The following OAS2 variants were observed in gnomAD, a reference collection of about 807,000 sequenced individuals.
The protein encoded by OAS2 is 2'-5'-oligoadenylate synthase 2.
Under a neutral mutation model 71.3 loss-of-function variants are expected in OAS2, and 67 were observed. The observed-to-expected ratio is 0.94, with a 90% CI of 0.77 to 1.15. OAS2 has a LOEUF of 1.15. Ranked by LOEUF, OAS2 falls within the 50% of genes most tolerant of loss-of-function variation. OAS2 has a pLI of 0.00. For synonymous variants in OAS2, 327 were observed against 321.8 expected, an observed-to-expected ratio of 1.02 and a Z score of -0.17; for missense variants, 789 against 822.5, an observed-to-expected ratio of 0.96 and a Z score of 0.50.
chr12:112,978,934 G>A lies in OAS2; in HGVS notation c.177+149G>A, dbSNP rs749953538. The A allele has an allele frequency of 8.1e-5, 57 of 704,938 alleles. No individual in the cohort carries two copies. The highest frequency in any genetic ancestry group is 1.9e-4 in the Admixed American group (6 of 31,730). 43.7% of individuals were successfully genotyped at this position (704,938 alleles called of 1,614,324 possible). ...AGGAGTCTCAGGCTCTGGAGCAGGC[G>A]CTTGCTCCAGAGCTGTGTGACACTG... On this transcript the variant is annotated intron_variant, in intron 1 of 9. Coordinates refer to ENST00000392583, the MANE Select transcript of OAS2 (RefSeq NM_002535.3). The surrounding 1 kb of genome is among the most constrained non-coding windows in gnomAD (Gnocchi z 4.2).
intron 1 of OAS2, among the ~76,000 whole-genome samples, chr12:112,985,732 T>C (rs1475435953): frequency 6.6e-6 from 1 of 152,264 alleles, no homozygotes; most frequent in African/African-American, 2.4e-5. Flanking sequence ...CTTTTTCATG[T>C]TTCTGTGTCC....
intron 2 of OAS2, chr12:112,988,572 TAGGCC>T: frequency 8.2e-6 from 8 of 977,640 alleles, no homozygotes; most frequent in Non-Finnish European, 9.7e-6. Flanking sequence ...AGAGAAATTT[TAGGCC>T]AAACTTAAAA....
rs769674965 is a variant in OAS2, at chr12:113,010,360, G to A, written c.*1105G>A. On this transcript the variant is annotated 3_prime_UTR_variant, in exon 10 of 10. Transcript: ENST00000392583. ...TAGGAGACATTGCTCTCCCACGTAT[G>A]TTTTTCTTTTTAGACAATGCAGACA... 101 of 1,608,634 alleles carry A rather than the reference G, an allele frequency of 6.3e-5. 1 individual carries two copies. The highest frequency in any genetic ancestry group is 5.0e-4 in the Middle Eastern group (3 of 6,034).
intron 2 of OAS2, chr12:112,987,743 C>G: frequency 9.9e-7 from 1 of 1,007,628 alleles, no homozygotes; most frequent in Non-Finnish European, 1.2e-6. Flanking sequence ...ATGAGGCAGA[C>G]ATCTGGGAAA....
intron 7 of OAS2, among the ~76,000 whole-genome samples, chr12:113,006,085 G>A (rs1226404058): frequency 6.6e-6 from 1 of 152,140 alleles, no homozygotes; most frequent in African/African-American, 2.4e-5. Context: ...AGCTTGACAT[G>A]TGGCTACAGC....
Position 113,007,689 on chromosome 12 carries a change from T to C in OAS2, c.1657-16T>C. The C allele has an allele frequency of 6.2e-7, 1 of 1,608,416 alleles. No homozygotes were observed. Among genetic ancestry groups the C allele is most frequent in the African/African-American group, 1.3e-5 (1 of 74,912 alleles). ...CTAGGCTAACCAGTTCGTCTGATGT[T>C]CCCACTCTTACCTAGTGTGAAAGGA... On this transcript the variant is annotated splice_polypyrimidine_tract_variant and intron_variant, in intron 8 of 9. Transcript: ENST00000392583.
In OAS2 at chr12:113,010,937, A is replaced by C; in HGVS notation, c.*1682A>C. The C allele has an allele frequency of 6.5e-6, 1 of 153,074 alleles. No homozygotes were observed. Among genetic ancestry groups the C allele is most frequent in the Non-Finnish European group, 1.5e-5 (1 of 68,764 alleles). 9.5% of individuals were successfully genotyped at this position (153,074 alleles called of 1,614,324 possible). On this transcript the variant is annotated 3_prime_UTR_variant, in exon 10 of 10. Transcript: ENST00000392583. ...GCCCCTGCTGACACAGACATCCTCT[A>C]TGCCAGCAGCCAGCCAACCCTTTCA...
At chr12:112,994,252 G>A (rs1461147369) in intron 2 of OAS2, among the ~76,000 whole-genome samples, 1 of 152,100 alleles carries the variant, frequency 6.6e-6, no homozygotes. Context: ...GTCTGTCAGG[G>A]AGAAGGATTT....
chr12:113,002,020 G>A (rs1219920939), intron 5 of OAS2, among the ~76,000 whole-genome samples: 1 of 152,066 alleles, frequency 6.6e-6, no homozygotes, highest in Non-Finnish European at 1.5e-5. Flanking sequence ...GGGTGACAGA[G>A]CGAGACACTA....
intron 2 of OAS2, among the ~76,000 whole-genome samples, chr12:112,991,212 T>G (rs570149024): frequency 7.9e-5 from 12 of 152,248 alleles, no homozygotes; most frequent in Non-Finnish European, 1.5e-4. Context: ...TATTTTTGGA[T>G]AACTCCAACT....
At chr12:112,981,115 T>C (rs142621060) in intron 1 of OAS2, among the ~76,000 whole-genome samples, 1 of 152,330 alleles carries the variant, frequency 6.6e-6, no homozygotes, top group African/African-American at 2.4e-5. Context: ...ATTCTGGATA[T>C]TAAACCCTTG....
rs1200764476 is a variant in OAS2 at position 113,010,327 on chromosome 12, G to A, written c.*1072G>A. 6.4e-7 allele frequency: 1 copy of A among 1,570,758 alleles called. No homozygotes were observed. The highest frequency in any genetic ancestry group is 8.6e-7 in the Non-Finnish European group (1 of 1,160,440). On this transcript the variant is annotated 3_prime_UTR_variant, in exon 10 of 10. Transcript: ENST00000392583. ...CCCCTAACTCTTTTAAGCAATGATT[G>A]TAACTATTAGGAGACATTGCTCTCC...
intron 2 of OAS2, chr12:112,988,361 T>A: frequency 2.4e-6 from 1 of 421,438 alleles, no homozygotes; most frequent in Non-Finnish European, 3.2e-6. Context: ...GAAGAAGATT[T>A]ATGGACAGGA....
Position 113,010,232 on chromosome 12 carries a change from A to G in OAS2, c.*977A>G, listed in dbSNP as rs80240332. 1.2e-3 allele frequency: 1,783 copies of G among 1,470,406 alleles called. 35 individuals carry two copies. The East Asian group carries it at 0.037, about 31-fold the overall frequency. The allele number at this position is 1,470,406 out of a possible 1,614,324, so 91.1% of individuals were successfully genotyped here. The stretch of plus-strand genomic sequence containing the variant: ...GTTAGCTCTAATTATTAAGATATGC[A>G]TTATAAATAAATACCAAAAAATTGT... On this transcript the variant is annotated 3_prime_UTR_variant, in exon 10 of 10. Transcript: ENST00000392583.
At chr12:113,005,926 A>ACC (rs1565997538) in intron 7 of OAS2, among the ~76,000 whole-genome samples, 1 of 113,174 alleles carries the variant, frequency 8.8e-6, no homozygotes, top group African/African-American at 3.0e-5. Context: ...AACAAAAAAA[A>ACC]AAAAAAAAAA....
chr12:113,001,863 C>CAAA (rs71086131), intron 5 of OAS2, among the ~76,000 whole-genome samples: 104 of 21,146 alleles, frequency 4.9e-3, no homozygotes, highest in African/African-American at 6.5e-3. Flanking sequence ...CCCATCTCTA[C>CAAA]AAAAAAAAAA....
chr12:113,009,100 GA>G lies in OAS2; in HGVS notation c.1910del (p.Asp637AlafsTer48). The G allele has an allele frequency of 6.2e-7, 1 of 1,613,420 alleles. No homozygotes were observed. The highest frequency in any genetic ancestry group is 8.5e-7 in the Non-Finnish European group (1 of 1,179,916). On this transcript the variant is annotated frameshift_variant, in exon 10 of 10. Coordinates refer to ENST00000392583, the MANE Select transcript of OAS2 (RefSeq NM_002535.3). LOFTEE classifies it low-confidence loss of function (END_TRUNC). ...QLQKTRPVIL[D>X]PAEPTGDVGG... ...CCTCTCATTCAGGCCTGTGATCTTG[GA>G]CCCAGCCGAACCCACAGGTGACGTG...
At chr12:113,002,638 T>C (rs1311543678) in intron 5 of OAS2, among the ~76,000 whole-genome samples, 1 of 152,074 alleles carries the variant, frequency 6.6e-6, no homozygotes, top group African/African-American at 2.4e-5. Context: ...AAAAGGAGTT[T>C]GGAGTTAGGA....
At position 113,010,312 on chromosome 12, in the gene OAS2, T is replaced by C; in HGVS notation, c.*1057T>C. On this transcript the variant is annotated 3_prime_UTR_variant, in exon 10 of 10. Transcript: ENST00000392583. ...GGTCCCCCCTTTTTTCCCCTAACTC[T>C]TTTAAGCAATGATTGTAACTATTAG... 3.9e-6 allele frequency: 6 copies of C among 1,553,804 alleles called. No homozygotes were observed. The highest frequency in any genetic ancestry group is 1.8e-4 in the Middle Eastern group (1 of 5,476).
Sources: gnomAD v4.1 joint callset for allele counts (sites outside exome capture counted in the v4.1 genomes callset) on GRCh38, gnomAD v4.1.1 for gene constraint, Gnocchi (gnomAD v3.1) non-coding constraint, MANE v1.5 for transcripts, NCBI Gene and HGNC (gene_info 2026-07-23, HGNC 2026-07-21) for gene names.